VPREB1: variants seen among roughly 807,000 people sequenced by gnomAD.
VPREB1 encodes immunoglobulin iota chain.
Under a neutral mutation model 13.6 loss-of-function variants are expected in VPREB1, and 17 were observed. The ratio of observed to expected loss-of-function variants is 1.25; its 90% CI spans 0.86 to 1.88. The LOEUF (loss-of-function observed/expected upper bound fraction) is 1.88, where lower values mean the gene tolerates loss of function less well. Ranked by LOEUF, VPREB1 falls within the 40% of genes most tolerant of loss-of-function variation. VPREB1 has a pLI of 0.00. For synonymous variants in VPREB1, 86 were observed against 73.9 expected (o/e 1.16, Z -0.84); for missense variants, 183 against 190.1 (o/e 0.96, Z 0.22).
chr22:22,244,982 C>G lies in VPREB1; in HGVS notation c.83C>G (p.Ala28Gly), dbSNP rs773777992. The change falls in exon 2 of 2, where the codon GCC becomes GGC. Residue 28 changes from alanine (A) to glycine (G), a missense_variant. By Grantham distance (60) the Ala-to-Gly change is moderately conservative (BLOSUM62 0). Coordinates refer to ENST00000403807, the MANE Select transcript of VPREB1 (RefSeq NM_007128.4). ...CAGCCGGTGCTGCATCAGCCGCCGG[C>G]CATGTCCTCGGCCCTTGGAACCACA... is the stretch of plus-strand genomic sequence containing the variant. The part of the protein sequence containing the change: ...GPQPVLHQPP[A>G]MSSALGTTIR... The G allele has an allele frequency of 1.2e-6, 2 of 1,614,176 alleles. No homozygotes were observed. Among genetic ancestry groups the G allele is most frequent in the Admixed American group, 1.7e-5 (1 of 60,016 alleles).
rs576612214 is a variant in VPREB1, at chr22:22,244,914, C to T, written c.47-32C>T. The T allele has an allele frequency of 3.5e-4, 559 of 1,614,026 alleles. 6 individuals carry two copies. In the South Asian group the frequency reaches 5.9e-3, roughly 17 times the overall value. ...CTGCCCCTTCCTTCATCCTGCCCTG[C>T]CCCCACGGCCCACATGCATCTGTGT... On this transcript the variant is annotated intron_variant, in intron 1 of 1. Coordinates refer to ENST00000403807, the MANE Select transcript of VPREB1 (RefSeq NM_007128.4).
rs775501387 is a variant in VPREB1, at chr22:22,245,055, C to T, written c.156C>T (p.Tyr52=). 6.2e-6 allele frequency: 10 copies of T among 1,613,960 alleles called. No individual in the cohort carries two copies. In the African/African-American group the frequency reaches 9.3e-5, roughly 15 times the overall value. Residue 52 remains tyrosine, a synonymous_variant, in exon 2 of 2, where the codon TAC becomes TAT. Coordinates refer to ENST00000403807, the MANE Select transcript of VPREB1 (RefSeq NM_007128.4). ...GGAACGACCATGACATCGGTGTGTA[C>T]AGCGTCTACTGGTACCAGCAGAGGC... The part of the protein sequence containing the change: ...TLRNDHDIGV[Y]SVYWYQQRPG...
rs766788694 is a variant in VPREB1, at chr22:22,244,983, C to T, written c.84C>T (p.Ala28=). 5 of 1,614,194 alleles carry T rather than the reference C, an allele frequency of 3.1e-6. No homozygotes were observed. The highest frequency in any genetic ancestry group is 1.1e-5 in the South Asian group (1 of 91,090). The change falls in exon 2 of 2, where the codon GCC becomes GCT. Residue 28 remains alanine, a synonymous_variant. Coordinates refer to ENST00000403807, the MANE Select transcript of VPREB1 (RefSeq NM_007128.4). ...AGCCGGTGCTGCATCAGCCGCCGGC[C>T]ATGTCCTCGGCCCTTGGAACCACAA... ...GPQPVLHQPP[A]MSSALGTTIR...
In VPREB1 at chr22:22,244,992, G is replaced by A. The variant is rs201207008; in HGVS notation, c.93G>A (p.Ser31=). The part of the protein sequence containing the change: ...PVLHQPPAMS[S]ALGTTIRLTC... ...TGCATCAGCCGCCGGCCATGTCCTC[G>A]GCCCTTGGAACCACAATCCGCCTCA... The change falls in exon 2 of 2, where the codon TCG becomes TCA. Residue 31 remains serine (S), a synonymous_variant. Transcript: ENST00000403807. 1.7e-5 allele frequency: 27 copies of A among 1,614,086 alleles called. No homozygotes were observed. In the Admixed American group the frequency reaches 1.8e-4, roughly 11 times the overall value.
chr22:22,244,936 G>A lies in VPREB1; in HGVS notation c.47-10G>A. On this transcript the variant is annotated splice_polypyrimidine_tract_variant and intron_variant, in intron 1 of 1. Transcript: ENST00000403807. ...CTGCCCCCACGGCCCACATGCATCT[G>A]TGTCACCAGGTTGTGGTCCTCAGCC... The A allele has an allele frequency of 1.2e-6, 2 of 1,614,096 alleles. No individual in the cohort carries two copies. Among genetic ancestry groups the A allele is most frequent in the Non-Finnish European group, 1.7e-6 (2 of 1,179,998 alleles).
chr22:22,245,283 G>A lies in VPREB1; in HGVS notation c.384G>A (p.Glu128=). 1 of 1,552,448 alleles carries A rather than the reference G, an allele frequency of 6.4e-7. No homozygotes were observed. The highest frequency in any genetic ancestry group is 8.7e-7 in the Non-Finnish European group (1 of 1,155,672). The stretch of plus-strand genomic sequence containing the variant: ...GCAGCTCGGAGAAGGAGGAGAGGGA[G>A]AGGGAGTGGGAGGAAGAAATGGAAC... ...GARSSEKEER[E]REWEEEMEPT... is the part of the protein sequence containing the mutation. The change falls in exon 2 of 2, where the codon GAG becomes GAA. Residue 128 remains glutamate, a synonymous_variant. Transcript: ENST00000403807.
rs765468390 is a variant in VPREB1 at position 22,245,054 on chromosome 22, A to T, written c.155A>T (p.Tyr52Phe). Residue 52 changes from tyrosine to phenylalanine, a missense_variant, in exon 2 of 2, where the codon TAC (tyrosine) becomes TTC (phenylalanine). Tyr to Phe is a conservative substitution (Grantham distance 22, BLOSUM62 3). Coordinates refer to ENST00000403807, the MANE Select transcript of VPREB1 (RefSeq NM_007128.4). ...AGGAACGACCATGACATCGGTGTGT[A>T]CAGCGTCTACTGGTACCAGCAGAGG... ...TLRNDHDIGV[Y>F]SVYWYQQRPG... The T allele has an allele frequency of 1.2e-6, 2 of 1,614,056 alleles. No individual in the cohort carries two copies. Among genetic ancestry groups the T allele is most frequent in the African/African-American group, 2.7e-5 (2 of 75,028 alleles).
Position 22,245,078 on chromosome 22 carries a change from G to A in VPREB1, c.179G>A (p.Arg60Lys), listed in dbSNP as rs1466083366. The change falls in exon 2 of 2, where the codon AGG becomes AAG. Residue 60 changes from arginine (R) to lysine (K), a missense_variant. Physicochemically the swap from Arg to Lys is conservative, Grantham distance 26 (BLOSUM62 2). Transcript: ENST00000403807. ...TACAGCGTCTACTGGTACCAGCAGAGGCCGGGCCACCCTCCCAGGTTCCTG... is the reference window on the plus strand; with the variant it reads ...TACAGCGTCTACTGGTACCAGCAGAAGCCGGGCCACCCTCCCAGGTTCCTG... ...GVYSVYWYQQ[R>K]PGHPPRFLLR... The A allele has an allele frequency of 1.2e-6, 2 of 1,613,988 alleles. No homozygotes were observed. The highest frequency in any genetic ancestry group is 1.7e-6 in the Non-Finnish European group (2 of 1,179,996).
rs113585988 is a variant in VPREB1 at position 22,245,382 on chromosome 22, G to A, written c.*45G>A. ...CGCATCCCCTTGGAGAGACTGTCAT[G>A]GAAGAGGGTGGAGTCGCCGCCCGAA... On this transcript the variant is annotated 3_prime_UTR_variant, in exon 2 of 2. Coordinates refer to ENST00000403807, the MANE Select transcript of VPREB1 (RefSeq NM_007128.4). 1,354 of 1,428,438 alleles carry A rather than the reference G, an allele frequency of 9.5e-4. 14 individuals carry two copies. The African/African-American group carries it at 0.017, about 18-fold the overall frequency. 88.5% of individuals were successfully genotyped at this position (1,428,438 alleles called of 1,614,324 possible).
chr22:22,245,303 TG>T lies in VPREB1; in HGVS notation c.406del (p.Glu136AsnfsTer52). On this transcript the variant is annotated frameshift_variant, in exon 2 of 2. Transcript: ENST00000403807. LOFTEE classifies it high-confidence loss of function. ...EEREREWEEEMEPTAARTRVP is the reference protein window; with the variant it reads ...EEREREWEEEXEPTAARTRVP ...AGGGAGAGGGAGTGGGAGGAAGAAA[TG>T]GAACCCACTGCAGCCAGGACACGTG... 1 of 1,522,898 alleles carries T rather than the reference TG, an allele frequency of 6.6e-7. No homozygotes were observed. Among genetic ancestry groups the T allele is most frequent in the Admixed American group, 2.2e-5 (1 of 44,612 alleles). The allele number at this position is 1,522,898 out of a possible 1,614,324, so 94.3% of individuals were successfully genotyped here.
In VPREB1 at chr22:22,244,930, G is replaced by A; in HGVS notation, c.47-16G>A. The A allele has an allele frequency of 1.2e-6, 2 of 1,614,110 alleles. No homozygotes were observed. The highest frequency in any genetic ancestry group is 1.7e-6 in the Non-Finnish European group (2 of 1,180,020). On this transcript the variant is annotated splice_polypyrimidine_tract_variant and intron_variant, in intron 1 of 1. Coordinates refer to ENST00000403807, the MANE Select transcript of VPREB1 (RefSeq NM_007128.4). ...CCTGCCCTGCCCCCACGGCCCACAT[G>A]CATCTGTGTCACCAGGTTGTGGTCC...
In VPREB1 at chr22:22,244,830, T is replaced by A; in HGVS notation, c.17T>A (p.Val6Asp). MSWAP[V>D]LLMLFVYCTG... is the part of the protein sequence containing the mutation. Reference sequence around the variant, plus strand: ...GTCTGCACCATGTCCTGGGCTCCTGTCCTGCTCATGCTGTTTGTCTACTGC... The same window carrying A: ...GTCTGCACCATGTCCTGGGCTCCTGACCTGCTCATGCTGTTTGTCTACTGC... Residue 6 changes from valine (V) to aspartate (D), a missense_variant, in exon 1 of 2, where the codon GTC (valine) becomes GAC (aspartate). Coordinates refer to ENST00000403807, the MANE Select transcript of VPREB1 (RefSeq NM_007128.4). The A allele has an allele frequency of 1.9e-6, 3 of 1,614,072 alleles. No homozygotes were observed. Among genetic ancestry groups the A allele is most frequent in the Non-Finnish European group, 2.5e-6 (3 of 1,180,006 alleles).
chr22:22,245,298 A>C lies in VPREB1; in HGVS notation c.399A>C (p.Glu133Asp), dbSNP rs2088111555. 1 of 1,536,402 alleles carries C rather than the reference A, an allele frequency of 6.5e-7. No individual in the cohort carries two copies. The highest frequency in any genetic ancestry group is 2.1e-5 in the Admixed American group (1 of 46,884). ...EKEEREREWE[E>D]EMEPTAARTR... Reference sequence around the variant, plus strand: ...AGGAGAGGGAGAGGGAGTGGGAGGAAGAAATGGAACCCACTGCAGCCAGGA... The same window carrying C: ...AGGAGAGGGAGAGGGAGTGGGAGGACGAAATGGAACCCACTGCAGCCAGGA... The change falls in exon 2 of 2, where the codon GAA becomes GAC. Residue 133 changes from glutamate (E) to aspartate (D), a missense_variant. Physicochemically the swap from Glu to Asp is conservative, Grantham distance 45. Transcript: ENST00000403807.
In VPREB1 at chr22:22,245,031, G is replaced by A; in HGVS notation, c.132G>A (p.Arg44=). The change falls in exon 2 of 2, where the codon AGG becomes AGA. Residue 44 remains arginine (R), a synonymous_variant. Coordinates refer to ENST00000403807, the MANE Select transcript of VPREB1 (RefSeq NM_007128.4). ...GTTIRLTCTL[R]NDHDIGVYSV... ...CAATCCGCCTCACCTGCACCCTGAGGAACGACCATGACATCGGTGTGTACA... is the reference window on the plus strand; with the variant it reads ...CAATCCGCCTCACCTGCACCCTGAGAAACGACCATGACATCGGTGTGTACA... 6.2e-7 allele frequency: 1 copy of A among 1,614,116 alleles called. No individual in the cohort carries two copies. Among genetic ancestry groups the A allele is most frequent in the Non-Finnish European group, 8.5e-7 (1 of 1,180,036 alleles).
chr22:22,245,257 C>A lies in VPREB1; in HGVS notation c.358C>A (p.Arg120Ser). ...EAMYYCAMGARSSEKEERERE... is the reference protein window; with the variant it reads ...EAMYYCAMGASSSEKEERERE... ...TATGTATTACTGTGCTATGGGGGCC[C>A]GCAGCTCGGAGAAGGAGGAGAGGGA... Residue 120 changes from arginine (R) to serine (S), a missense_variant, in exon 2 of 2, where the codon CGC becomes AGC. By Grantham distance (110) the Arg-to-Ser change is moderately radical (BLOSUM62 -1). Transcript: ENST00000403807. 1 of 1,567,058 alleles carries A rather than the reference C, an allele frequency of 6.4e-7. No individual in the cohort carries two copies. The highest frequency in any genetic ancestry group is 8.6e-7 in the Non-Finnish European group (1 of 1,160,828).
chr22:22,244,987 T>C lies in VPREB1; in HGVS notation c.88T>C (p.Ser30Pro), dbSNP rs765252661. ...QPVLHQPPAMSSALGTTIRLT... is the reference protein window; with the variant it reads ...QPVLHQPPAMPSALGTTIRLT... ...GGTGCTGCATCAGCCGCCGGCCATG[T>C]CCTCGGCCCTTGGAACCACAATCCG... Residue 30 changes from serine to proline, a missense_variant, in exon 2 of 2, where the codon TCC becomes CCC. Transcript: ENST00000403807. The C allele has an allele frequency of 6.2e-7, 1 of 1,614,128 alleles. No homozygotes were observed. The highest frequency in any genetic ancestry group is 8.5e-7 in the Non-Finnish European group (1 of 1,180,016).
At position 22,245,097 on chromosome 22, in the gene VPREB1, GT is replaced by G; in HGVS notation, c.200del (p.Phe67SerfsTer3). ...AGCAGAGGCCGGGCCACCCTCCCAG[GT>G]TCCTGCTGAGATATTTCTCACAATC... Reference protein sequence around the residue: ...YQQRPGHPPRFLLRYFSQSDK... With the variant: ...YQQRPGHPPRXLLRYFSQSDK... On this transcript the variant is annotated frameshift_variant, in exon 2 of 2. Transcript: ENST00000403807. LOFTEE classifies it high-confidence loss of function. The G allele has an allele frequency of 6.2e-7, 1 of 1,613,848 alleles. No individual in the cohort carries two copies. Among genetic ancestry groups the G allele is most frequent in the Non-Finnish European group, 8.5e-7 (1 of 1,179,966 alleles).
At position 22,245,189 on chromosome 22, in the gene VPREB1, G is replaced by A. The variant is rs1247662883; in HGVS notation, c.290G>A (p.Arg97Lys). The A allele has an allele frequency of 5.7e-6, 9 of 1,588,594 alleles. No homozygotes were observed. Among genetic ancestry groups the A allele is most frequent in the South Asian group, 2.3e-5 (2 of 85,850 alleles). ...GGATCCAAAGATGTGGCCAGGAACA[G>A]GGGGTATTTGAGCATCTCTGAGCTG... is the stretch of plus-strand genomic sequence containing the variant. ...FSGSKDVARN[R>K]GYLSISELQP... The change falls in exon 2 of 2, where the codon AGG (arginine) becomes AAG (lysine). Residue 97 changes from arginine (R) to lysine (K), a missense_variant. Arg to Lys is a conservative substitution (Grantham distance 26). Coordinates refer to ENST00000403807, the MANE Select transcript of VPREB1 (RefSeq NM_007128.4).
rs2088117006 is a variant in VPREB1 at position 22,245,513 on chromosome 22, T to C, written c.*176T>C. 6.2e-6 allele frequency: 5 copies of C among 812,496 alleles called. No individual in the cohort carries two copies. In the South Asian group the frequency reaches 1.8e-4, roughly 29 times the overall value. The allele number at this position is 812,496 out of a possible 1,614,324, so 50.3% of individuals were successfully genotyped here. A position where few individuals can be genotyped will look rare whatever the true frequency, so the allele number is the denominator to read the frequency against. On this transcript the variant is annotated 3_prime_UTR_variant, in exon 2 of 2. Transcript: ENST00000403807. The stretch of plus-strand genomic sequence containing the variant: ...ATTAAAGCTGCTTGTCACTTTTTGC[T>C]GAGTTTGGTCTGACTGTTGTGCGAC...
Sources: allele counts gnomAD v4.1 joint callset, GRCh38; gene constraint gnomAD v4.1.1; transcripts MANE v1.5; gene names NCBI Gene and HGNC (gene_info 2026-07-23, HGNC 2026-07-21).